Variants in TMEM178A observed in about 807,000 individuals in gnomAD.
The protein encoded by TMEM178A is transmembrane protein 178A.
A neutral mutation model predicts 29.1 loss-of-function variants in TMEM178A; 12 were observed. That is an observed-to-expected ratio of 0.41 (90% confidence interval 0.26 to 0.67). The LOEUF (loss-of-function observed/expected upper bound fraction) is 0.67, where lower values mean the gene tolerates loss of function less well. TMEM178A is among the 30% of genes least tolerant of loss of function. The pLI is 0.29. For missense variants in TMEM178A, 366 were observed against 419.1 expected (o/e 0.87, Z 1.11); for synonymous variants, 210 against 187.2 (o/e 1.12, Z -0.99).
At chr2:39,725,413 T>A in the TMEM178A span, among the ~76,000 whole-genome samples, 1 of 152,178 alleles carries the variant, frequency 6.6e-6, no homozygotes, top group Non-Finnish European at 1.5e-5. Context: ...AGGAGCTGGT[T>A]CTGTGTTGCA....
At chr2:39,704,920 A>G (rs932461756) in intron 2 of TMEM178A, among the ~76,000 whole-genome samples, 2 of 152,232 alleles carry the variant, frequency 1.3e-5, no homozygotes, top group African/African-American at 2.4e-5. Flanking sequence ...AAGCCACTGT[A>G]GAAAACTAAT....
intron 1 of TMEM178A, among the ~76,000 whole-genome samples, chr2:39,701,187 A>T (rs1045503531): frequency 4.6e-5 from 7 of 151,904 alleles, no homozygotes; most frequent in Non-Finnish European, 8.8e-5. Flanking sequence ...ATTATCCTTC[A>T]TTTCACCCTG....
intron 1 of TMEM178A, among the ~76,000 whole-genome samples, chr2:39,677,416 A>T (rs1185364004): frequency 6.6e-6 from 1 of 152,236 alleles, no homozygotes; most frequent in Non-Finnish European, 1.5e-5. Flanking sequence ...ATAACTTTGA[A>T]CAAGAAAATT....
chr2:39,732,605 G>A, the TMEM178A span, among the ~76,000 whole-genome samples: 2 of 152,268 alleles, frequency 1.3e-5, no homozygotes, highest in African/African-American at 4.8e-5. Flanking sequence ...TTTCCAAAAG[G>A]AGAATAATTA....
the TMEM178A span, among the ~76,000 whole-genome samples, chr2:39,727,558 G>C: frequency 6.6e-6 from 1 of 152,094 alleles, no homozygotes; most frequent in African/African-American, 2.4e-5. Context: ...GAATCCCTGA[G>C]ACTTAGCTTT....
At chr2:39,718,178 T>A (rs892063499), downstream of TMEM178A, among the ~76,000 whole-genome samples, 1 of 126,438 alleles carries the variant, frequency 7.9e-6, no homozygotes, top group African/African-American at 3.3e-5. Context: ...CTTCCTATAC[T>A]ATTTACAATT....
At position 39,710,647 on chromosome 2, in the gene TMEM178A, T is replaced by A. The variant is rs112656535; in HGVS notation, c.652+3461T>A. ...TGAGACAACCATGTCAATCTATTGCTTGAGATAAATTAGCTGTAGAACGTT... is the reference window on the plus strand; with the variant it reads ...TGAGACAACCATGTCAATCTATTGCATGAGATAAATTAGCTGTAGAACGTT... On this transcript the variant is annotated intron_variant, in intron 3 of 3. Coordinates refer to ENST00000281961, the MANE Select transcript of TMEM178A (RefSeq NM_152390.3). Among the ~76,000 whole-genome samples, 1,343 of 152,296 alleles carry A rather than the reference T, an allele frequency of 8.8e-3. 20 individuals are homozygous for A. Among genetic ancestry groups the A allele is most frequent in the African/African-American group, 0.03 (1,243 of 41,564 alleles).
At chr2:39,721,669 A>T (rs1012797845), downstream of TMEM178A, among the ~76,000 whole-genome samples, 1 of 152,156 alleles carries the variant, frequency 6.6e-6, no homozygotes, top group African/African-American at 2.4e-5. Context: ...GGCCTAAAAA[A>T]GGATAATGAT....
At chr2:39,700,309 C>G (rs1357651804) in intron 1 of TMEM178A, among the ~76,000 whole-genome samples, 4 of 152,092 alleles carry the variant, frequency 2.6e-5, no homozygotes, top group Non-Finnish European at 5.9e-5. Context: ...GTCTATTTCT[C>G]CCTTCAATTC....
At chr2:39,672,046 TAG>T (rs1424189334) in intron 1 of TMEM178A, among the ~76,000 whole-genome samples, 3 of 152,220 alleles carry the variant, frequency 2.0e-5, no homozygotes, top group Non-Finnish European at 4.4e-5. Flanking sequence ...TCTTAATGAC[TAG>T]ATTTGTAGTT....
intron 1 of TMEM178A, among the ~76,000 whole-genome samples, chr2:39,675,000 C>A (rs567131448): frequency 5.9e-5 from 9 of 152,318 alleles, no homozygotes; most frequent in Non-Finnish European, 8.8e-5. Flanking sequence ...GGGCTACAGA[C>A]TCCTGTCAAT....
At chr2:39,735,000 C>G in the TMEM178A span, among the ~76,000 whole-genome samples, 1 of 152,196 alleles carries the variant, frequency 6.6e-6, no homozygotes, top group African/African-American at 2.4e-5. Flanking sequence ...AAACTCCCAG[C>G]TGATCTCTTT....
At chr2:39,732,943 C>T in the TMEM178A span, among the ~76,000 whole-genome samples, 1 of 152,180 alleles carries the variant, frequency 6.6e-6, no homozygotes, top group African/African-American at 2.4e-5. Context: ...ATCTGCAGCT[C>T]CTACAAATAT....
chr2:39,716,965 G>A (rs750173301), intron 3 of TMEM178A, 45 bp from the exon 4 acceptor site: 4 of 1,577,206 alleles, frequency 2.5e-6, no homozygotes, highest in Admixed American at 1.8e-5. Flanking sequence ...TCTTGTAACA[G>A]GCAAACTGTA....
intron 3 of TMEM178A, among the ~76,000 whole-genome samples, chr2:39,709,787 G>C (rs906003388): frequency 5.3e-5 from 8 of 152,198 alleles, no homozygotes; most frequent in African/African-American, 1.9e-4. Flanking sequence ...CAGGAAAATG[G>C]GGGATGCTCT....
the TMEM178A span, among the ~76,000 whole-genome samples, chr2:39,726,803 TG>T: frequency 6.6e-6 from 1 of 152,002 alleles, no homozygotes. Flanking sequence ...GTGTAAGGGT[TG>T]GGGGTGGGTA....
Position 39,712,041 on chromosome 2 carries a change from T to TTTTGTGTGTGTG in TMEM178A, c.652+4856_652+4857insTTGTGTGTGTGT, listed in dbSNP as rs1553350720. On this transcript the variant is annotated intron_variant, in intron 3 of 3. Coordinates refer to ENST00000281961, the MANE Select transcript of TMEM178A (RefSeq NM_152390.3). Reference sequence around the variant, plus strand: ...GCTTTTGGGATTTAGGAATTGCATTTTGTGTGTGTGTGTGTGTGTGTGTGT... The same window carrying TTTTGTGTGTGTG: ...GCTTTTGGGATTTAGGAATTGCATTTTTTGTGTGTGTGTGTGTGTGTGTGTGTGTGTGTGTGT... Among the ~76,000 whole-genome samples the TTTTGTGTGTGTG allele has an allele frequency of 9.3e-5, 13 of 139,348 alleles. No individual in the cohort carries two copies. The East Asian group carries it at 2.9e-3, about 31-fold the overall frequency. The allele number at this position is 139,348 out of a possible 152,430, so 91.4% of individuals were successfully genotyped here.
At chr2:39,720,415 C>T (rs141797915), downstream of TMEM178A, among the ~76,000 whole-genome samples, 24 of 152,312 alleles carry the variant, frequency 1.6e-4, no homozygotes, top group African/African-American at 5.5e-4. Context: ...ACTGCCTAGG[C>T]AACCACCCAC....
intron 1 of TMEM178A, among the ~76,000 whole-genome samples, chr2:39,684,243 G>T (rs567368381): frequency 5.9e-5 from 9 of 152,262 alleles, no homozygotes; most frequent in African/African-American, 2.2e-4. Context: ...CTATCAGTTT[G>T]ATAGGGCCAT....
Sources: gnomAD v4.1 joint callset for allele counts (sites outside exome capture counted in the v4.1 genomes callset) on GRCh38, gnomAD v4.1.1 for gene constraint, MANE v1.5 for transcripts, NCBI Gene and HGNC (gene_info 2026-07-23, HGNC 2026-07-21) for gene names.